Variants in NDRG4 observed in about 807,000 individuals in gnomAD.
NDRG4 encodes the protein protein NDRG4.
Under a neutral mutation model 55.8 loss-of-function variants are expected in NDRG4, and 38 were observed. The ratio of observed to expected loss-of-function variants is 0.68; its 90% CI spans 0.53 to 0.89. The LOEUF (loss-of-function observed/expected upper bound fraction) is 0.89. NDRG4 is among the 40% of genes least tolerant of loss of function. NDRG4 has a pLI of 0.00. For synonymous variants in NDRG4, 190 were observed against 182.7 expected, an observed-to-expected ratio of 1.04 and a Z score of -0.32; for missense variants, 455 against 468.6, an observed-to-expected ratio of 0.97 and a Z score of 0.27.
intron 1 of NDRG4, among the ~76,000 whole-genome samples, chr16:58,476,745 A>T (rs2033695387): frequency 6.6e-6 from 1 of 152,216 alleles, no homozygotes; most frequent in African/African-American, 2.4e-5. Context: ...TGATAGAGAG[A>T]TTAAGAGACA....
chr16:58,497,754 C>T (rs188372823), upstream of NDRG4, among the ~76,000 whole-genome samples: 2 of 152,290 alleles, frequency 1.3e-5, no homozygotes. Flanking sequence ...CTTGTCTGGC[C>T]ACTGTAACTG....
At chr16:58,468,542 G>A (rs917527454) in intron 1 of NDRG4, among the ~76,000 whole-genome samples, 7 of 152,254 alleles carry the variant, frequency 4.6e-5, no homozygotes, top group South Asian at 2.1e-4. Flanking sequence ...TCAACATGGC[G>A]AAACCCCGTC....
At chr16:58,498,068 G>T (rs1053833118), upstream of NDRG4, among the ~76,000 whole-genome samples, 4 of 152,264 alleles carry the variant, frequency 2.6e-5, no homozygotes, top group African/African-American at 7.2e-5. Context: ...CTGTGGCTTG[G>T]AGTGGGCAGT....
At chr16:58,484,368 G>A (rs745334262) in intron 1 of NDRG4, among the ~76,000 whole-genome samples, 8 of 151,902 alleles carry the variant, frequency 5.3e-5, no homozygotes, top group Non-Finnish European at 1.2e-4. Context: ...GTAAGAATCC[G>A]TCTAAAAAAA....
rs1054082233 is a variant in NDRG4 at position 58,464,613 on chromosome 16, T to G, written c.-24+816T>G. Reference sequence around the variant, plus strand: ...GTCCTAGTTTTGTGCTACCTGTTTGTGTGCGGAGCCCAGCCCCGGGAGAGG... The same window carrying G: ...GTCCTAGTTTTGTGCTACCTGTTTGGGTGCGGAGCCCAGCCCCGGGAGAGG... On this transcript the variant is annotated intron_variant, in intron 1 of 15. Transcript: ENST00000258187. The surrounding 1 kb of genome is among the most constrained non-coding windows in gnomAD (Gnocchi z 4.8). 1 of 972,214 alleles carries G rather than the reference T, an allele frequency of 1.0e-6. No individual in the cohort carries two copies. 60.2% of individuals were successfully genotyped at this position (972,214 alleles called of 1,614,324 possible).
At chr16:58,513,652 C>G (rs2039020419), downstream of NDRG4, 1 of 152,258 alleles carries the variant, frequency 6.6e-6, no homozygotes, top group South Asian at 2.1e-4. Flanking sequence ...TCCCCTGACT[C>G]TGTGACAAAA....
chr16:58,504,508 C>G, intron 4 of NDRG4, 81 bp from the exon 5 acceptor site: 1 of 1,611,270 alleles, frequency 6.2e-7, no homozygotes, highest in Non-Finnish European at 8.5e-7. Flanking sequence ...GGGCTTCAGG[C>G]TATGGGCAGG....
At chr16:58,476,150 G>A (rs966116515) in intron 1 of NDRG4, among the ~76,000 whole-genome samples, 17 of 152,150 alleles carry the variant, frequency 1.1e-4, no homozygotes, top group African/African-American at 2.7e-4. Flanking sequence ...CATTTACCTC[G>A]CACTGGCAGA....
intron 1 of NDRG4, chr16:58,465,277 C>T: frequency 2.1e-6 from 1 of 477,838 alleles, no homozygotes; most frequent in Non-Finnish European, 4.0e-6. Context: ...CTGATCACTG[C>T]CTTCCAGGAC....
intron 2 of NDRG4, among the ~76,000 whole-genome samples, chr16:58,490,607 C>T (rs920594399): frequency 6.6e-6 from 1 of 152,218 alleles, no homozygotes; most frequent in Admixed American, 6.5e-5. Flanking sequence ...GTGGAGGCTT[C>T]TTCCCTCTTT....
At chr16:58,485,974 C>T (rs1044890813) in intron 1 of NDRG4, among the ~76,000 whole-genome samples, 6 of 152,182 alleles carry the variant, frequency 3.9e-5, no homozygotes, top group South Asian at 4.1e-4. Context: ...AATTTCTCCA[C>T]GGGAGAGGAT....
intron 1 of NDRG4, chr16:58,501,663 G>A (rs116077603): frequency 2.1e-4 from 52 of 243,288 alleles, no homozygotes; most frequent in African/African-American, 1.1e-3. Context: ...GAAGGTCACT[G>A]GACTTCGTAG....
At chr16:58,466,485 C>T (rs1380535604) in intron 1 of NDRG4, among the ~76,000 whole-genome samples, 1 of 152,226 alleles carries the variant, frequency 6.6e-6, no homozygotes, top group Non-Finnish European at 1.5e-5. Flanking sequence ...GTTCTCTCAT[C>T]TCCTGGATAG....
chr16:58,494,943 C>G (rs541934666), intron 2 of NDRG4: 4 of 1,613,336 alleles, frequency 2.5e-6, no homozygotes, highest in South Asian at 2.2e-5. Flanking sequence ...CTTGCCACCC[C>G]CTCTGTTTGC....
chr16:58,506,533 C>G, intron 6 of NDRG4, 25 bp from the exon 7 acceptor site: 1 of 1,599,898 alleles, frequency 6.3e-7, no homozygotes. Context: ...GGGCGGCACT[C>G]ACGCTGGCGC....
At chr16:58,501,108 A>C in intron 1 of NDRG4, 5 of 1,220,506 alleles carry the variant, frequency 4.1e-6, no homozygotes, top group Non-Finnish European at 4.1e-6. Context: ...CTCAGGAGGG[A>C]GAGGCAGGGG....
chr16:58,480,117 T>TTTTG (rs200246782), intron 1 of NDRG4, among the ~76,000 whole-genome samples: 115 of 152,108 alleles, frequency 7.6e-4, no homozygotes, highest in African/African-American at 2.5e-3. Context: ...CCCTCCGATT[T>TTTTG]TTTGTTTGTT....
intron 5 of NDRG4, 166 bp from the exon 6 acceptor site, chr16:58,506,221 G>A: frequency 1.4e-6 from 1 of 707,332 alleles, no homozygotes. Context: ...ACTGTGAAGG[G>A]TTCAGTGAGA....
At chr16:58,493,484 G>T (rs1018403396) in intron 2 of NDRG4, among the ~76,000 whole-genome samples, 1 of 152,210 alleles carries the variant, frequency 6.6e-6, no homozygotes, top group Non-Finnish European at 1.5e-5. Flanking sequence ...GGCCAGGCTG[G>T]TCTCGAACTC....
Sources: gnomAD v4.1 joint callset for allele counts (sites outside exome capture counted in the v4.1 genomes callset) on GRCh38, gnomAD v4.1.1 for gene constraint, Gnocchi (gnomAD v3.1) non-coding constraint, MANE v1.5 for transcripts, NCBI Gene and HGNC (gene_info 2026-07-23, HGNC 2026-07-21) for gene names.